The following RBFOX1 variants were observed in gnomAD, a reference collection of about 807,000 sequenced individuals.
RBFOX1 encodes RNA binding fox-1 homolog 1.
A neutral mutation model predicts 57.7 loss-of-function variants in RBFOX1; 8 were observed. The observed-to-expected ratio is 0.14, with a 90% confidence interval of 0.08 to 0.25. The LOEUF (loss-of-function observed/expected upper bound fraction) is 0.25. Among genes scored for constraint, RBFOX1 ranks in the 10% least tolerant of loss-of-function variants. RBFOX1 has a pLI of 1.00. For missense variants in RBFOX1, 611 were observed against 548.5 expected (o/e 1.11, Z -1.14); for synonymous variants, 326 against 222.4 (o/e 1.47, Z -4.15).
At chr16:5,825,437 T>A (rs1212754419) in intron 3 of RBFOX1, among the ~76,000 whole-genome samples, 2 of 152,176 alleles carry the variant, frequency 1.3e-5, no homozygotes, top group Non-Finnish European at 2.9e-5. Flanking sequence ...TACTATAAGG[T>A]TCGAAGGAAG....
At chr16:6,985,613 A>C (rs1402687713) in intron 3 of RBFOX1, among the ~76,000 whole-genome samples, 2 of 152,226 alleles carry the variant, frequency 1.3e-5, no homozygotes, top group Non-Finnish European at 2.9e-5. Context: ...GGATCATTTG[A>C]GGTCAGGAGT....
At chr16:7,016,867 G>C (rs1456154474) in intron 3 of RBFOX1, among the ~76,000 whole-genome samples, 2 of 152,146 alleles carry the variant, frequency 1.3e-5, no homozygotes, top group Non-Finnish European at 2.9e-5. Context: ...ACTTAAGACT[G>C]TTTCTTTTCT....
chr16:7,223,393 G>C (rs906299778), intron 4 of RBFOX1, among the ~76,000 whole-genome samples: 10 of 152,232 alleles, frequency 6.6e-5, no homozygotes, highest in African/African-American at 2.4e-4. Flanking sequence ...TTGGTGGACT[G>C]CATGGATAGA....
In RBFOX1 at chr16:6,012,743, C is replaced by T. The variant is rs113937078; in HGVS notation, c.351+145408C>T. On this transcript the variant is annotated intron_variant, in intron 4 of 19. Transcript: ENST00000641259. ...GATGTTACTGGTCCTTTATTCTTCC[C>T]TGCCCTGCCATCTTCAGTATTAATT... is the stretch of plus-strand genomic sequence containing the variant. Among the ~76,000 whole-genome samples, 241 of 152,316 alleles carry T rather than the reference C, an allele frequency of 1.6e-3. 2 individuals carry two copies. Among genetic ancestry groups the T allele is most frequent in the African/African-American group, 5.5e-3 (227 of 41,580 alleles).
intron 14 of RBFOX1, among the ~76,000 whole-genome samples, chr16:7,690,243 G>A (rs939690550): frequency 2.6e-5 from 4 of 152,186 alleles, no homozygotes; most frequent in Non-Finnish European, 4.4e-5. Context: ...TAACCTCTAT[G>A]AATCTAAGGA....
chr16:6,806,837 T>TATATATATATATATATATATATATA (rs1491107829), intron 3 of RBFOX1, among the ~76,000 whole-genome samples: 6 of 68,902 alleles, frequency 8.7e-5, no homozygotes, highest in Non-Finnish European at 5.8e-5. Context: ...TATATATATA[T>TATATATATATATATATATATATATA]TTTTTTTTTT....
intron 3 of RBFOX1, among the ~76,000 whole-genome samples, chr16:6,925,879 C>T (rs959780175): frequency 1.3e-5 from 2 of 152,044 alleles, no homozygotes; most frequent in Admixed American, 6.6e-5. Context: ...AATTACATTT[C>T]TCTATGTAAT....
intron 2 of RBFOX1, among the ~76,000 whole-genome samples, chr16:5,472,268 G>A (rs2069163690): frequency 6.6e-6 from 1 of 152,146 alleles, no homozygotes; most frequent in Admixed American, 6.5e-5. Flanking sequence ...GAAGCCTGGG[G>A]AGGAGGGCCT....
chr16:7,147,420 A>C (rs531112886), intron 4 of RBFOX1, among the ~76,000 whole-genome samples: 4 of 152,092 alleles, frequency 2.6e-5, no homozygotes, highest in Middle Eastern at 3.4e-3. Flanking sequence ...CCTGTCACCC[A>C]GGTGGTGGGC....
chr16:7,163,017 T>A (rs187054352), intron 4 of RBFOX1, among the ~76,000 whole-genome samples: 18 of 152,314 alleles, frequency 1.2e-4, no homozygotes, highest in Non-Finnish European at 1.9e-4. Flanking sequence ...AAATGCAGAC[T>A]TCTTTGTATG....
At chr16:5,766,018 G>T (rs2053764162) in intron 3 of RBFOX1, among the ~76,000 whole-genome samples, 1 of 152,224 alleles carries the variant, frequency 6.6e-6, no homozygotes, top group East Asian at 1.9e-4. Context: ...AGCCCATTGG[G>T]ACAGTGGGGA....
intron 4 of RBFOX1, chr16:7,332,805 GAAGAA>G: frequency 1.4e-6 from 2 of 1,403,608 alleles, no homozygotes; most frequent in Admixed American, 5.8e-5. Flanking sequence ...CGTCGTCTGG[GAAGAA>G]AACTTTCACA....
At chr16:5,597,509 C>G (rs2047225912) in intron 2 of RBFOX1, among the ~76,000 whole-genome samples, 2 of 150,868 alleles carry the variant, frequency 1.3e-5, no homozygotes, top group Non-Finnish European at 2.9e-5. Flanking sequence ...AAGCGATTCT[C>G]CTCCCTTAGC....
At chr16:7,448,745 C>T (rs1423810679) in intron 4 of RBFOX1, among the ~76,000 whole-genome samples, 2 of 152,120 alleles carry the variant, frequency 1.3e-5, no homozygotes, top group Middle Eastern at 3.2e-3. Flanking sequence ...CAATCTCTGC[C>T]TGCATTGTCA....
At chr16:7,186,661 G>A (rs1193725822) in intron 4 of RBFOX1, among the ~76,000 whole-genome samples, 2 of 146,356 alleles carry the variant, frequency 1.4e-5, no homozygotes, top group Admixed American at 1.4e-4. Flanking sequence ...TTATATTTAT[G>A]TATATTTATA....
intron 2 of RBFOX1, among the ~76,000 whole-genome samples, chr16:5,502,671 G>T (rs2043240187): frequency 6.6e-6 from 1 of 152,194 alleles, no homozygotes; most frequent in Admixed American, 6.5e-5. Context: ...AGTCGAAGGG[G>T]TTAGAACAGG....
chr16:7,627,034 G>C (rs796534594), intron 10 of RBFOX1, among the ~76,000 whole-genome samples: 6 of 151,894 alleles, frequency 4.0e-5, no homozygotes, highest in African/African-American at 1.2e-4. Context: ...GCATAGTGTA[G>C]GTAATAACTA....
intron 4 of RBFOX1, among the ~76,000 whole-genome samples, chr16:7,334,621 G>T (rs997537440): frequency 6.6e-6 from 1 of 152,132 alleles, no homozygotes; most frequent in African/African-American, 2.4e-5. Flanking sequence ...CACTGAAATG[G>T]GTGAATGTAA....
chr16:6,397,204 A>G (rs901567820), intron 2 of RBFOX1, among the ~76,000 whole-genome samples: 1 of 152,230 alleles, frequency 6.6e-6, no homozygotes, highest in Non-Finnish European at 1.5e-5. Context: ...CAAGCAAAAT[A>G]TAAAGACAAG....
Sources: gnomAD v4.1 joint callset for allele counts (sites outside exome capture counted in the v4.1 genomes callset) on GRCh38, gnomAD v4.1.1 for gene constraint, MANE v1.5 for transcripts, NCBI Gene and HGNC (gene_info 2026-07-23, HGNC 2026-07-21) for gene names.